Variants in ADCY2 observed in about 807,000 individuals in gnomAD.
ADCY2 encodes adenylate cyclase type 2.
In ADCY2, 31 loss-of-function variants were observed where a neutral mutation model predicts 125.2. That is an observed-to-expected ratio of 0.25 (90% CI 0.19 to 0.33). The LOEUF (loss-of-function observed/expected upper bound fraction) is 0.33, where lower values mean the gene tolerates loss of function less well. Ranked by LOEUF, ADCY2 falls within the 10% of genes least tolerant of loss-of-function variation. ADCY2 has a pLI of 1.00. For synonymous variants in ADCY2, 512 were observed against 548.4 expected (o/e 0.93, Z 0.93); for missense variants, 904 against 1,418.2 (o/e 0.64, Z 5.82).
intron 20 of ADCY2, chr5:7,794,632 A>C (rs1200943101): frequency 1.3e-5 from 2 of 152,156 alleles, no homozygotes; most frequent in African/African-American, 4.8e-5. Context: ...AGGGTGTTAT[A>C]AGAAGAGCCA....
intron 2 of ADCY2, among the ~76,000 whole-genome samples, chr5:7,472,587 C>G (rs184768377): frequency 2.6e-5 from 4 of 152,102 alleles, no homozygotes; most frequent in Admixed American, 2.6e-4. Flanking sequence ...TCATGTGTCT[C>G]ATAATTTTTG....
intron 12 of ADCY2, 72 bp downstream of exon 12, chr5:7,717,309 G>A: frequency 2.8e-6 from 3 of 1,063,358 alleles, no homozygotes; most frequent in Non-Finnish European, 4.1e-6. Context: ...CATGGGCTCT[G>A]CAATAGTTAC....
At chr5:7,589,506 G>GAAAGAGAAAGAAAGAAAGA (rs1736768509) in intron 3 of ADCY2, among the ~76,000 whole-genome samples, 1 of 93,902 alleles carries the variant, frequency 1.1e-5, no homozygotes, top group African/African-American at 3.6e-5. Flanking sequence ...AAGAAAGAAA[G>GAAAGAGAAAGAAAGAAAGA]AAAGAAAAGA....
chr5:7,454,334 A>G (rs1389962379), intron 2 of ADCY2, among the ~76,000 whole-genome samples: 1 of 152,156 alleles, frequency 6.6e-6, no homozygotes, highest in African/African-American at 2.4e-5. Context: ...CATAATTTTT[A>G]TATGCACTGG....
At chr5:7,401,644 C>T (rs1183081523) in intron 1 of ADCY2, among the ~76,000 whole-genome samples, 1 of 152,188 alleles carries the variant, frequency 6.6e-6, no homozygotes, top group East Asian at 1.9e-4. Context: ...CCAGTGTCTT[C>T]CCCATCAAGT....
At chr5:7,514,385 C>T in intron 2 of ADCY2, among the ~76,000 whole-genome samples, 1 of 152,116 alleles carries the variant, frequency 6.6e-6, no homozygotes, top group East Asian at 1.9e-4. Flanking sequence ...ATATTTCTAT[C>T]AAATTAGTTT....
intron 4 of ADCY2, among the ~76,000 whole-genome samples, chr5:7,651,239 T>C (rs1038790664): frequency 6.6e-6 from 1 of 152,192 alleles, no homozygotes; most frequent in East Asian, 1.9e-4. Context: ...TTTGATTTCA[T>C]GTCTGTATTA....
intron 3 of ADCY2, among the ~76,000 whole-genome samples, chr5:7,594,718 A>G (rs1736952869): frequency 6.6e-6 from 1 of 152,228 alleles, no homozygotes; most frequent in South Asian, 2.1e-4. Context: ...CAAATGACCA[A>G]ATAAATAAAA....
intron 1 of ADCY2, among the ~76,000 whole-genome samples, chr5:7,412,717 G>T (rs1448435230): frequency 6.6e-6 from 1 of 152,160 alleles, no homozygotes; most frequent in Admixed American, 6.5e-5. Flanking sequence ...AGCCCCATTC[G>T]GTTGAGTTCA....
chr5:7,633,266 AC>A, intron 4 of ADCY2, among the ~76,000 whole-genome samples: 1 of 152,056 alleles, frequency 6.6e-6, no homozygotes, highest in Non-Finnish European at 1.5e-5. Flanking sequence ...CCCTGTCTCT[AC>A]TAAAAATACA....
rs184005376 is a variant in ADCY2 at position 7,587,172 on chromosome 5, A to G, written c.571-38995A>G. ...TGACTTTCAGCTGCACCATACCATC[A>G]CTCGCAGGACTAACTTCAACTCATC... On this transcript the variant is annotated intron_variant, in intron 3 of 24. Transcript: ENST00000338316. Among the ~76,000 whole-genome samples the G allele has an allele frequency of 3.9e-5, 6 of 151,952 alleles. No homozygotes were observed. The East Asian group carries it at 9.8e-4, about 25-fold the overall frequency.
intron 11 of ADCY2, among the ~76,000 whole-genome samples, chr5:7,714,275 A>G (rs1162977858): frequency 6.6e-6 from 1 of 152,150 alleles, no homozygotes; most frequent in Non-Finnish European, 1.5e-5. Flanking sequence ...ACTTCCTTTC[A>G]CTTTATATTC....
In ADCY2 at chr5:7,795,639, CTT is replaced by C. The variant is rs1744396183; in HGVS notation, c.2628+5840_2628+5841del. 2 of 152,232 alleles carry C rather than the reference CTT, an allele frequency of 1.3e-5. 1 individual carries two copies. The highest frequency in any genetic ancestry group is 4.1e-4 in the South Asian group (2 of 4,832). The allele number at this position is 152,232 out of a possible 1,614,324, so 9.4% of individuals were successfully genotyped here. Reference sequence around the variant, plus strand: ...CACACTAATCCATTTCCACTAAACTCTTGGTGATACTGCTCTGTGAGTCTTCT... The same window carrying C: ...CACACTAATCCATTTCCACTAAACTCGGTGATACTGCTCTGTGAGTCTTCT... On this transcript the variant is annotated intron_variant, in intron 20 of 24. Coordinates refer to ENST00000338316, the MANE Select transcript of ADCY2 (RefSeq NM_020546.3).
At chr5:7,663,466 C>T (rs1739607080) in intron 4 of ADCY2, among the ~76,000 whole-genome samples, 1 of 152,242 alleles carries the variant, frequency 6.6e-6, no homozygotes, top group African/African-American at 2.4e-5. Context: ...GCCTCAGTGC[C>T]CACCAACAGA....
chr5:7,825,034 T>C (rs1337859883), intron 24 of ADCY2, among the ~76,000 whole-genome samples: 1 of 152,224 alleles, frequency 6.6e-6, no homozygotes, highest in Non-Finnish European at 1.5e-5. Context: ...ATAACACTGC[T>C]GTGTGCCATA....
rs1739062393 is a variant in ADCY2, at chr5:7,396,751, T to A, written c.210+245T>A. 6.6e-6 allele frequency among the ~76,000 whole-genome samples: 1 copy of A among 151,770 alleles called. No homozygotes were observed. Among genetic ancestry groups the A allele is most frequent in the Admixed American group, 6.6e-5 (1 of 15,246 alleles). Reference sequence around the variant, plus strand: ...TCTTCCCAAAATAAAGTTCCCGAGGTGTTCACCAGGTGGACGGGCAGGGCG... The same window carrying A: ...TCTTCCCAAAATAAAGTTCCCGAGGAGTTCACCAGGTGGACGGGCAGGGCG... On this transcript the variant is annotated intron_variant, in intron 1 of 24. Coordinates refer to ENST00000338316, the MANE Select transcript of ADCY2 (RefSeq NM_020546.3). The surrounding 1 kb of genome is among the most constrained non-coding windows in gnomAD (Gnocchi z 5.7).
At chr5:7,702,187 C>T (rs1212321626) in intron 7 of ADCY2, among the ~76,000 whole-genome samples, 1 of 149,102 alleles carries the variant, frequency 6.7e-6, no homozygotes, top group Non-Finnish European at 1.5e-5. Flanking sequence ...AGGTCAGGAG[C>T]TTGAGACCAG....
At chr5:7,565,610 A>G (rs1217365420) in intron 3 of ADCY2, among the ~76,000 whole-genome samples, 3 of 152,238 alleles carry the variant, frequency 2.0e-5, no homozygotes, top group Non-Finnish European at 4.4e-5. Context: ...TGAGCTACAA[A>G]TAAAATTGAT....
intron 4 of ADCY2, among the ~76,000 whole-genome samples, chr5:7,669,418 T>C (rs1477951249): frequency 1.3e-5 from 2 of 151,984 alleles, no homozygotes; most frequent in Non-Finnish European, 2.9e-5. Flanking sequence ...TCAAATGATA[T>C]AGGGGAGGAT....
Sources: gnomAD v4.1 joint callset for allele counts (sites outside exome capture counted in the v4.1 genomes callset) on GRCh38, gnomAD v4.1.1 for gene constraint, Gnocchi (gnomAD v3.1) non-coding constraint, MANE v1.5 for transcripts, NCBI Gene and HGNC (gene_info 2026-07-23, HGNC 2026-07-21) for gene names.